The following MYO3A variants were observed in gnomAD, a reference collection of about 807,000 sequenced individuals.
MYO3A encodes the protein myosin-IIIa.
A neutral mutation model predicts 192.7 loss-of-function variants in MYO3A; 180 were observed. The observed-to-expected ratio is 0.93, with a 90% confidence interval of 0.83 to 1.06. The LOEUF (loss-of-function observed/expected upper bound fraction) is 1.06, where lower values mean the gene tolerates loss of function less well. Ranked by LOEUF, MYO3A falls within the 50% of genes least tolerant of loss-of-function variation. The probability of loss-of-function intolerance (pLI) is 0.00; values close to 1 mark genes in which losing one functional copy is unlikely to be tolerated. For missense variants in MYO3A, 1,896 were observed against 1,905.0 expected, an observed-to-expected ratio of 1.00 and a Z score of 0.09; for synonymous variants, 628 against 645.3, an observed-to-expected ratio of 0.97 and a Z score of 0.41.
chr10:26,081,501 A>G (rs952791784), intron 14 of MYO3A, among the ~76,000 whole-genome samples: 2 of 152,150 alleles, frequency 1.3e-5, no homozygotes, highest in African/African-American at 4.8e-5. Flanking sequence ...TCCCAGCTGC[A>G]AAAGAAAAGT....
intron 11 of MYO3A, among the ~76,000 whole-genome samples, chr10:26,067,730 A>C (rs34580592): frequency 0.47 from 71,822 of 151,624 alleles, 17,765 homozygotes; most frequent in Middle Eastern, 0.59. Context: ...GTCTCAGCCT[A>C]CTTTCCCCTC....
chr10:26,015,177 G>T (rs992402051), intron 6 of MYO3A, among the ~76,000 whole-genome samples: 6 of 151,678 alleles, frequency 4.0e-5, no homozygotes, highest in African/African-American at 1.2e-4. Context: ...ATAGATTATT[G>T]CTCTTTCTAT....
intron 17 of MYO3A, among the ~76,000 whole-genome samples, chr10:26,102,002 G>C (rs936715155): frequency 1.3e-5 from 2 of 152,092 alleles, no homozygotes; most frequent in African/African-American, 2.4e-5. Flanking sequence ...TTTCCAACTT[G>C]GTTCCATTGT....
intron 29 of MYO3A, among the ~76,000 whole-genome samples, chr10:26,171,156 G>A (rs541413681): frequency 3.9e-4 from 59 of 152,270 alleles, no homozygotes; most frequent in African/African-American, 1.4e-3. Flanking sequence ...GGGGCAAGGA[G>A]GAGGGAACCC....
At position 25,974,952 on chromosome 10, in the gene MYO3A, T is replaced by G. The variant is rs144138918; in HGVS notation, c.303+19944T>G. On this transcript the variant is annotated intron_variant, in intron 4 of 34. Transcript: ENST00000642920. Reference sequence around the variant, plus strand: ...TACATTTGGAAAAGAAAGCTTTATTTCTTATAAAGTGTTGCAGTCTGCAAG... The same window carrying G: ...TACATTTGGAAAAGAAAGCTTTATTGCTTATAAAGTGTTGCAGTCTGCAAG... 1.3e-4 allele frequency among the ~76,000 whole-genome samples: 20 copies of G among 152,296 alleles called. No individual in the cohort carries two copies. In the East Asian group the frequency reaches 3.9e-3, roughly 29 times the overall value.
intron 11 of MYO3A, among the ~76,000 whole-genome samples, chr10:26,067,786 C>T (rs139755483): frequency 3.3e-5 from 5 of 152,272 alleles, no homozygotes; most frequent in African/African-American, 9.6e-5. Context: ...AAATAAATGC[C>T]CTCTTTTTAG....
At chr10:25,989,078 C>G (rs1323149589) in intron 4 of MYO3A, among the ~76,000 whole-genome samples, 1 of 151,358 alleles carries the variant, frequency 6.6e-6, no homozygotes, top group Non-Finnish European at 1.5e-5. Flanking sequence ...GTAGCTGAAC[C>G]TCAGCTATGT....
intron 10 of MYO3A, among the ~76,000 whole-genome samples, chr10:26,038,352 ATTT>A (rs1173563760): frequency 6.6e-6 from 1 of 152,132 alleles, no homozygotes; most frequent in East Asian, 1.9e-4. Flanking sequence ...ATATCTTTCC[ATTT>A]TTTGGTGTCC....
intron 6 of MYO3A, among the ~76,000 whole-genome samples, chr10:26,015,677 C>G (rs7906664): frequency 3.3e-5 from 5 of 152,046 alleles, no homozygotes; most frequent in Admixed American, 3.3e-4. Flanking sequence ...GCATAGCACT[C>G]AAAAAACATG....
At chr10:26,078,694 T>A (rs886890742) in intron 14 of MYO3A, among the ~76,000 whole-genome samples, 16 of 152,124 alleles carry the variant, frequency 1.1e-4, no homozygotes, top group Non-Finnish European at 1.8e-4. Context: ...TACTAGAGGT[T>A]TTGATAGGTT....
chr10:26,091,967 T>C (rs1056486287), intron 15 of MYO3A, among the ~76,000 whole-genome samples: 1 of 152,176 alleles, frequency 6.6e-6, no homozygotes, highest in Non-Finnish European at 1.5e-5. Context: ...CACAGTATGA[T>C]ATAAAACGTG....
chr10:26,085,237 TTCTC>T (rs1268872560), intron 14 of MYO3A, among the ~76,000 whole-genome samples: 1 of 152,054 alleles, frequency 6.6e-6, no homozygotes, highest in African/African-American at 2.4e-5. Flanking sequence ...AGTTTTTCCT[TTCTC>T]TATTTGATTT....
chr10:26,203,193 G>A lies in MYO3A; in HGVS notation c.4730+86G>A, dbSNP rs905677328. ...AAGATATTTCACTTTATATATAGATGAATGACAAAGCACTCTTACTGAATA... is the reference window on the plus strand; with the variant it reads ...AAGATATTTCACTTTATATATAGATAAATGACAAAGCACTCTTACTGAATA... On this transcript the variant is annotated intron_variant, in intron 34 of 34. Transcript: ENST00000642920. 3.6e-6 allele frequency: 5 copies of A among 1,385,182 alleles called. No individual in the cohort carries two copies. In the Admixed American group the frequency reaches 7.1e-5, roughly 20 times the overall value. The allele number at this position is 1,385,182 out of a possible 1,614,324, so 85.8% of individuals were successfully genotyped here.
At chr10:26,088,449 C>G in intron 15 of MYO3A, 44 bp downstream of exon 15, 1 of 1,532,672 alleles carries the variant, frequency 6.5e-7, no homozygotes, top group Non-Finnish European at 9.0e-7. Context: ...GAAGCAGAAG[C>G]AAACATAATA....
chr10:26,130,056 A>T (rs992885002), intron 20 of MYO3A, among the ~76,000 whole-genome samples: 1 of 151,552 alleles, frequency 6.6e-6, no homozygotes, highest in Non-Finnish European at 1.5e-5. Flanking sequence ...CAAGGTACAG[A>T]TATTTCAATA....
At chr10:26,185,249 G>T (rs1237912648) in intron 31 of MYO3A, among the ~76,000 whole-genome samples, 1 of 144,758 alleles carries the variant, frequency 6.9e-6, no homozygotes, top group Non-Finnish European at 1.5e-5. Context: ...AATGCATTTT[G>T]ATTTTTAGAT....
At chr10:26,110,550 A>G (rs1379845726) in intron 17 of MYO3A, among the ~76,000 whole-genome samples, 4 of 152,216 alleles carry the variant, frequency 2.6e-5, no homozygotes, top group Non-Finnish European at 4.4e-5. Flanking sequence ...CTGGAATGAT[A>G]CATAAGGACA....
intron 20 of MYO3A, among the ~76,000 whole-genome samples, chr10:26,130,320 G>A (rs1839458835): frequency 6.6e-6 from 1 of 152,060 alleles, no homozygotes; most frequent in Admixed American, 6.6e-5. Flanking sequence ...TGGCCAGGGT[G>A]GTCTTGAAAT....
At chr10:26,048,622 A>G (rs1843777026) in intron 10 of MYO3A, among the ~76,000 whole-genome samples, 1 of 152,120 alleles carries the variant, frequency 6.6e-6, no homozygotes, top group Non-Finnish European at 1.5e-5. Context: ...AGACTAAAGT[A>G]TAGATGTTGT....
Sources: gnomAD v4.1 joint callset for allele counts (sites outside exome capture counted in the v4.1 genomes callset) on GRCh38, gnomAD v4.1.1 for gene constraint, MANE v1.5 for transcripts, NCBI Gene and HGNC (gene_info 2026-07-23, HGNC 2026-07-21) for gene names.